FAM13A: variants seen among roughly 807,000 people sequenced by gnomAD.
FAM13A encodes family with sequence similarity 13 member A.
In FAM13A, 76 loss-of-function variants were observed where a neutral mutation model predicts 129.6. The observed-to-expected ratio is 0.59, with a 90% confidence interval of 0.49 to 0.71. The LOEUF (loss-of-function observed/expected upper bound fraction) is 0.71, where lower values mean the gene tolerates loss of function less well. Among genes scored for constraint, FAM13A ranks in the 30% least tolerant of loss-of-function variants. The pLI is 0.00. For synonymous variants in FAM13A, 443 were observed against 449.9 expected, an observed-to-expected ratio of 0.98 and a Z score of 0.20; for missense variants, 1,108 against 1,249.3, an observed-to-expected ratio of 0.89 and a Z score of 1.70.
rs1262757091 is a variant in FAM13A at position 89,020,552 on chromosome 4, G to A, written c.335C>T (p.Ser112Leu). 2 of 1,613,972 alleles carry A rather than the reference G, an allele frequency of 1.2e-6. No individual in the cohort carries two copies. Among genetic ancestry groups the A allele is most frequent in the African/African-American group, 1.3e-5 (1 of 74,928 alleles). Residue 112 changes from serine to leucine, a missense_variant, in exon 3 of 24, where the codon TCA (serine) becomes TTA (leucine). Ser to Leu is a moderately radical substitution (Grantham distance 145). Transcript: ENST00000264344. Reference sequence around the variant, plus strand: ...AAACAGCTTCAACAGACTGGCTGCTGAGCAGACATCACCGTCCTTCCCGAG... The same window carrying A: ...AAACAGCTTCAACAGACTGGCTGCTAAGCAGACATCACCGTCCTTCCCGAG... Reference protein sequence around the residue: ...VELGKDGDVCSAASLLKLFLR... With the variant: ...VELGKDGDVCLAASLLKLFLR...
At chr4:88,728,754 C>T in intron 23 of FAM13A, 95 bp from the exon 24 acceptor site, 1 of 1,450,620 alleles carries the variant, frequency 6.9e-7, no homozygotes. Context: ...AGAAACTTTG[C>T]AGTTTATCAA....
At chr4:88,900,715 G>A (rs1446217893) in intron 6 of FAM13A, among the ~76,000 whole-genome samples, 3 of 152,070 alleles carry the variant, frequency 2.0e-5, no homozygotes, top group African/African-American at 7.2e-5. Flanking sequence ...ACAGGTTAGT[G>A]ATACTATAAA....
intron 5 of FAM13A, among the ~76,000 whole-genome samples, chr4:88,932,675 T>C (rs1753229560): frequency 6.6e-6 from 1 of 152,186 alleles, no homozygotes; most frequent in Non-Finnish European, 1.5e-5. Flanking sequence ...ATATATCAGT[T>C]TATATGGTAA....
rs1743932500 is a variant in FAM13A at position 88,883,544 on chromosome 4, G to GCCTA, written c.843+22831_843+22834dup. ...AAGGGGAAAGTTCATAGCCTTAAAT[G>GCCTA]CCTACATCAAAAAGTCTGAAAGAGA... On this transcript the variant is annotated intron_variant, in intron 6 of 23. Transcript: ENST00000264344. 3.3e-5 allele frequency among the ~76,000 whole-genome samples: 5 copies of GCCTA among 152,108 alleles called. No homozygotes were observed. The South Asian group carries it at 1.0e-3, about 32-fold the overall frequency.
chr4:88,867,711 A>T (rs2150063927), intron 6 of FAM13A, among the ~76,000 whole-genome samples: 1 of 152,372 alleles, frequency 6.6e-6, no homozygotes, highest in Middle Eastern at 3.4e-3. Flanking sequence ...TGAATGAAGC[A>T]AGTTGGAGAA....
chr4:89,056,590 A>G (rs1299471288), intron 1 of FAM13A, among the ~76,000 whole-genome samples: 2 of 152,190 alleles, frequency 1.3e-5, no homozygotes, highest in African/African-American at 4.8e-5. Context: ...CAAGCTAGCC[A>G]CAAGATTTCT....
rs182568592 is a variant in FAM13A, at chr4:88,956,815, C to T, written c.606-18574G>A. 1.8e-4 allele frequency among the ~76,000 whole-genome samples: 27 copies of T among 152,244 alleles called. No homozygotes were observed. In the East Asian group the frequency reaches 3.7e-3, roughly 21 times the overall value. ...CAACACACCTTCTTATCTGACTCTC[C>T]GGCCACCTATAATGGCCCTTGTGAT... On this transcript the variant is annotated intron_variant, in intron 4 of 23. Coordinates refer to ENST00000264344, the MANE Select transcript of FAM13A (RefSeq NM_014883.4).
intron 4 of FAM13A, among the ~76,000 whole-genome samples, chr4:88,961,346 C>CTTTTTTTTTTTTTTTT (rs1560548919): frequency 2.2e-5 from 2 of 89,326 alleles, no homozygotes; most frequent in Non-Finnish European, 4.6e-5. Context: ...GTGGAATTTG[C>CTTTTTTTTTTTTTTTT]CTTTTTTTTT....
chr4:89,015,716 G>A (rs1766392808), intron 3 of FAM13A, among the ~76,000 whole-genome samples: 1 of 151,904 alleles, frequency 6.6e-6, no homozygotes. Context: ...ATACATATAT[G>A]TATAAAGTGC....
chr4:88,889,424 G>A (rs1561260416), intron 6 of FAM13A, among the ~76,000 whole-genome samples: 1 of 152,162 alleles, frequency 6.6e-6, no homozygotes, highest in African/African-American at 2.4e-5. Flanking sequence ...TGGTTGTAAT[G>A]ACTGCTTGGT....
rs545886952 is a variant in FAM13A, at chr4:88,849,936, T to G, written c.1007+1084A>C. Among the ~76,000 whole-genome samples the G allele has an allele frequency of 5.9e-5, 9 of 152,306 alleles. No homozygotes were observed. The East Asian group carries it at 1.7e-3, about 29-fold the overall frequency. On this transcript the variant is annotated intron_variant, in intron 7 of 23. Transcript: ENST00000264344. ...CTGTTATACCTCCTAAGTAAGCATA[T>G]CTACAATACTCTTGTCTTCTTTCTC...
At chr4:88,780,284 G>A (rs1403492454) in intron 11 of FAM13A, among the ~76,000 whole-genome samples, 1 of 152,124 alleles carries the variant, frequency 6.6e-6, no homozygotes, top group Non-Finnish European at 1.5e-5. Context: ...GAGAAAATAG[G>A]TGGCCCATGA....
chr4:88,861,556 G>A (rs1326927369), intron 6 of FAM13A, among the ~76,000 whole-genome samples: 2 of 152,010 alleles, frequency 1.3e-5, no homozygotes, highest in African/African-American at 2.4e-5. Flanking sequence ...CTATCCTAGT[G>A]GTTTATTCTT....
At chr4:88,781,685 A>AAT (rs1193035844) in intron 10 of FAM13A, among the ~76,000 whole-genome samples, 2 of 151,912 alleles carry the variant, frequency 1.3e-5, no homozygotes, top group South Asian at 2.1e-4. Context: ...TAGATGTTTA[A>AAT]ATATATATAT....
chr4:88,898,341 T>C (rs1190668249), intron 6 of FAM13A, among the ~76,000 whole-genome samples: 3 of 152,152 alleles, frequency 2.0e-5, no homozygotes, highest in Non-Finnish European at 4.4e-5. Flanking sequence ...AATTGTACAG[T>C]AAACCAAATT....
chr4:88,742,883 G>GA (rs1740556025), intron 19 of FAM13A, among the ~76,000 whole-genome samples: 1 of 152,144 alleles, frequency 6.6e-6, no homozygotes, highest in South Asian at 2.1e-4. Context: ...ATTCAAATTA[G>GA]AAAATCTTTA....
chr4:88,937,272 C>A (rs962415338), intron 5 of FAM13A: 1 of 152,124 alleles, frequency 6.6e-6, no homozygotes, highest in Non-Finnish European at 1.5e-5. Context: ...AACCAAGTGC[C>A]TCTGATTTTA....
At chr4:89,029,398 C>A in intron 2 of FAM13A, 62 bp downstream of exon 2, 2 of 1,287,006 alleles carry the variant, frequency 1.6e-6, no homozygotes, top group Non-Finnish European at 2.2e-6. Flanking sequence ...ATAATTCACA[C>A]AAATAATTTG....
At chr4:88,845,191 A>G (rs1391283905) in intron 7 of FAM13A, among the ~76,000 whole-genome samples, 1 of 152,138 alleles carries the variant, frequency 6.6e-6, no homozygotes, top group Non-Finnish European at 1.5e-5. Flanking sequence ...TTGAAAAAAA[A>G]ACACTGACAA....
Sources: allele counts gnomAD v4.1 joint callset (sites outside exome capture counted in the v4.1 genomes callset), GRCh38; gene constraint gnomAD v4.1.1; transcripts MANE v1.5; gene names NCBI Gene and HGNC (gene_info 2026-07-23, HGNC 2026-07-21).